The following SEC63 variants were observed in gnomAD, a reference collection of about 807,000 sequenced individuals.
SEC63 encodes the protein SEC63 protein translocation regulator.
Under a neutral mutation model 116.2 loss-of-function variants are expected in SEC63, and 56 were observed. The observed-to-expected ratio is 0.48, with a 90% CI of 0.39 to 0.60. SEC63 has a LOEUF of 0.60. SEC63 is among the 20% of genes least tolerant of loss of function. The probability of loss-of-function intolerance (pLI) is 0.00; values close to 1 mark genes in which losing one functional copy is unlikely to be tolerated. For missense variants in SEC63, 668 were observed against 900.0 expected, an observed-to-expected ratio of 0.74 and a Z score of 3.30; for synonymous variants, 273 against 294.6, an observed-to-expected ratio of 0.93 and a Z score of 0.75.
At chr6:107,956,354 A>G (rs1770711077) in intron 1 of SEC63, among the ~76,000 whole-genome samples, 1 of 152,222 alleles carries the variant, frequency 6.6e-6, no homozygotes, top group Admixed American at 6.5e-5. Flanking sequence ...TTTTAACTTG[A>G]AATACAACAA....
At chr6:107,889,964 G>C (rs962347267) in intron 16 of SEC63, among the ~76,000 whole-genome samples, 5 of 152,126 alleles carry the variant, frequency 3.3e-5, no homozygotes, top group African/African-American at 1.2e-4. Context: ...TATAATTTCT[G>C]TTCTTTCACA....
intron 18 of SEC63, 71 bp downstream of exon 18, chr6:107,881,076 TAA>T: frequency 9.0e-7 from 1 of 1,106,004 alleles, no homozygotes; most frequent in Non-Finnish European, 1.4e-6. Context: ...GACAGAGGGC[TAA>T]AAGTCAACTG....
chr6:107,938,250 T>TTTA (rs1230429761), intron 1 of SEC63, among the ~76,000 whole-genome samples: 3 of 147,572 alleles, frequency 2.0e-5, no homozygotes, highest in Non-Finnish European at 3.0e-5. Context: ...TGAGTTAATT[T>TTTA]TTTTTTTTTT....
At chr6:107,917,713 A>G (rs12206846) in intron 4 of SEC63, among the ~76,000 whole-genome samples, 78,773 of 152,098 alleles carry the variant, frequency 0.52, 21,715 homozygotes, top group South Asian at 0.69. Flanking sequence ...ACTACCCACA[A>G]TGTTCCCTTA....
chr6:107,935,135 C>T (rs1228543607), intron 1 of SEC63, among the ~76,000 whole-genome samples: 2 of 142,416 alleles, frequency 1.4e-5, no homozygotes, highest in South Asian at 2.3e-4. Context: ...GTCAGCCCCC[C>T]GCCCAGCCAG....
At chr6:107,950,566 T>C (rs1770561123) in intron 1 of SEC63, among the ~76,000 whole-genome samples, 1 of 152,188 alleles carries the variant, frequency 6.6e-6, no homozygotes, top group African/African-American at 2.4e-5. Context: ...CAAAGTATCT[T>C]CTCTGACCGT....
At chr6:107,887,678 G>C (rs1259769868) in intron 16 of SEC63, among the ~76,000 whole-genome samples, 1 of 151,296 alleles carries the variant, frequency 6.6e-6, no homozygotes, top group Non-Finnish European at 1.5e-5. Context: ...CAGCGCACCA[G>C]CATGGCACAC....
Position 107,870,612 on chromosome 6 carries a change from C to T in SEC63, c.*1092G>A, listed in dbSNP as rs908992673. The T allele has an allele frequency of 2.0e-5, 3 of 152,096 alleles. No homozygotes were observed. Among genetic ancestry groups the T allele is most frequent in the Non-Finnish European group, 2.9e-5 (2 of 68,028 alleles). 9.4% of individuals were successfully genotyped at this position (152,096 alleles called of 1,614,324 possible). A position where few individuals can be genotyped will look rare whatever the true frequency, so the allele number is the denominator to read the frequency against. On this transcript the variant is annotated 3_prime_UTR_variant, in exon 21 of 21. Transcript: ENST00000369002. ...TTCCAGTTGTACTATGAGGGGAAAT[C>T]CCTCTCACTCCTGGGTTTTTCTACA...
chr6:107,895,698 C>G (rs1467380423), intron 14 of SEC63, among the ~76,000 whole-genome samples: 6 of 151,780 alleles, frequency 4.0e-5, no homozygotes, highest in African/African-American at 1.5e-4. Flanking sequence ...ACTACAGTCT[C>G]TACCAGTTGA....
In SEC63 at chr6:107,929,488, T is replaced by C. The variant is rs1787750929; in HGVS notation, c.151A>G (p.Lys51Glu). The change falls in exon 2 of 21, where the codon AAA becomes GAA. Residue 51 changes from lysine (K) to glutamate (E), a missense_variant. By Grantham distance (56) the Lys-to-Glu change is moderately conservative. This residue lies in a region of SEC63 where 142 missense variants were observed against 169.5 expected (regional missense o/e 0.84). Coordinates refer to ENST00000369002, the MANE Select transcript of SEC63 (RefSeq NM_007214.5). ...TACCACATACACCTTCCATATACTTTTCTGATATTCTTTAATCGAATTTGC... is the reference window on the plus strand; with the variant it reads ...TACCACATACACCTTCCATATACTTCTCTGATATTCTTTAATCGAATTTGC... ...AEQIRLKNIR[K>E]VYGRCMWYRL... The C allele has an allele frequency of 5.0e-6, 8 of 1,598,316 alleles. No individual in the cohort carries two copies. Among genetic ancestry groups the C allele is most frequent in the Non-Finnish European group, 6.0e-6 (7 of 1,165,946 alleles).
chr6:107,876,289 G>A (rs1438244272), intron 19 of SEC63, among the ~76,000 whole-genome samples: 1 of 152,046 alleles, frequency 6.6e-6, no homozygotes. Flanking sequence ...GAGAGGAGGA[G>A]GAAAGGTGTA....
At chr6:107,935,312 G>A (rs1414524620) in intron 1 of SEC63, among the ~76,000 whole-genome samples, 3 of 151,784 alleles carry the variant, frequency 2.0e-5, no homozygotes, top group Non-Finnish European at 4.4e-5. Flanking sequence ...CACTGAGAAC[G>A]GGCCGGGATG....
At position 107,882,998 on chromosome 6, in the gene SEC63, T is replaced by C; in HGVS notation, c.1823A>G (p.Asp608Gly). The C allele has an allele frequency of 6.3e-7, 1 of 1,596,490 alleles. No individual in the cohort carries two copies. Among genetic ancestry groups the C allele is most frequent in the Non-Finnish European group, 8.6e-7 (1 of 1,165,914 alleles). The change falls in exon 17 of 21, where the codon GAT becomes GGT. Residue 608 changes from aspartate (D) to glycine (G), a missense_variant. Transcript: ENST00000369002. ...ACCTATAAGGCTTACTGCTTCATCA[T>C]CTTTGTTTTGTTTTTCATCTTGCTC... ...DREQDEKQNK[D>G]DEAEWQELQQ...
At chr6:107,925,479 A>G (rs545144381) in intron 2 of SEC63, among the ~76,000 whole-genome samples, 1 of 152,340 alleles carries the variant, frequency 6.6e-6, no homozygotes, top group South Asian at 2.1e-4. Flanking sequence ...ACAATGCAAC[A>G]TTTTGTAGCC....
intron 1 of SEC63, among the ~76,000 whole-genome samples, chr6:107,934,884 C>T (rs1364050644): frequency 6.0e-5 from 1 of 16,792 alleles, no homozygotes; most frequent in East Asian, 9.0e-4. Flanking sequence ...CTGCCCCGTC[C>T]GGGAGGGAGG....
Position 107,918,996 on chromosome 6 carries a change from C to T in SEC63, c.452+2801G>A, listed in dbSNP as rs572857672. 1.7e-4 allele frequency among the ~76,000 whole-genome samples: 25 copies of T among 151,014 alleles called. 1 individual carries two copies. The highest frequency in any genetic ancestry group is 8.4e-4 in the South Asian group (4 of 4,746). On this transcript the variant is annotated intron_variant, in intron 4 of 20. Transcript: ENST00000369002. ...CACAATCTTGGCCCACCCCAACCTC[C>T]GCCTCCCAGGTTCAAGTGAGTCTCC...
intron 14 of SEC63, among the ~76,000 whole-genome samples, chr6:107,894,315 A>G (rs182419014): frequency 7.3e-4 from 111 of 152,352 alleles, no homozygotes; most frequent in Admixed American, 3.5e-3. Context: ...CCTTGAGACT[A>G]GTATTAGTTT....
chr6:107,952,915 C>CT (rs1770609828), intron 1 of SEC63, among the ~76,000 whole-genome samples: 1 of 152,168 alleles, frequency 6.6e-6, no homozygotes, highest in African/African-American at 2.4e-5. Context: ...GGCTACTTAA[C>CT]TGTTTCACAG....
Position 107,878,441 on chromosome 6 carries a change from G to A in SEC63, c.1936-1779C>T, listed in dbSNP as rs190210554. Among the ~76,000 whole-genome samples the A allele has an allele frequency of 2.2e-3, 338 of 152,326 alleles. 2 individuals are homozygous for A. Among genetic ancestry groups the A allele is most frequent in the African/African-American group, 7.9e-3 (327 of 41,570 alleles). ...TTTGTCAGAAACATCATTACAACAA[G>A]TAGGGAATGTAAGCAGCACAGGATT... is the stretch of plus-strand genomic sequence containing the variant. On this transcript the variant is annotated intron_variant, in intron 18 of 20. Coordinates refer to ENST00000369002, the MANE Select transcript of SEC63 (RefSeq NM_007214.5).
Sources: gnomAD v4.1 joint callset for allele counts (sites outside exome capture counted in the v4.1 genomes callset) on GRCh38, gnomAD v4.1.1 for gene constraint, gnomAD v4.1.1 regional missense constraint, MANE v1.5 for transcripts, NCBI Gene and HGNC (gene_info 2026-07-23, HGNC 2026-07-21) for gene names.